The following CDK6 variants were observed in gnomAD, a reference collection of about 807,000 sequenced individuals.
CDK6 encodes cyclin-dependent kinase 6.
Under a neutral mutation model 37.1 loss-of-function variants are expected in CDK6, and 6 were observed. That is an observed-to-expected ratio of 0.16 (90% CI 0.09 to 0.32). The LOEUF (loss-of-function observed/expected upper bound fraction) is 0.32, where lower values mean the gene tolerates loss of function less well. CDK6 is among the 10% of genes least tolerant of loss of function. The pLI is 1.00. For missense variants in CDK6, 224 were observed against 418.9 expected (o/e 0.53, Z 4.06); for synonymous variants, 160 against 161.3 (o/e 0.99, Z 0.06).
Position 92,834,517 on chromosome 7 carries a change from C to T in CDK6, c.-367-827G>A, listed in dbSNP as rs1470495140. On this transcript the variant is annotated intron_variant, in intron 1 of 7. Coordinates refer to ENST00000424848, the MANE Select transcript of CDK6 (RefSeq NM_001145306.2). This position sits in a 1 kb window ranked among gnomAD's most constrained non-coding sequence, Gnocchi z 4.6. ...GGTCCTGGGGGAGGGGAGACACCGT[C>T]CCCCACGGGATCCCAAGGGTGGGAG... 6.6e-6 allele frequency among the ~76,000 whole-genome samples: 1 copy of T among 151,868 alleles called. No individual in the cohort carries two copies. Among genetic ancestry groups the T allele is most frequent in the Non-Finnish European group, 1.5e-5 (1 of 67,942 alleles).
At chr7:92,677,253 C>T (rs1371767903) in intron 4 of CDK6, among the ~76,000 whole-genome samples, 1 of 152,138 alleles carries the variant, frequency 6.6e-6, no homozygotes. Context: ...ATAAATTGTT[C>T]AAGACTTACA....
At chr7:92,721,713 C>T (rs966175381) in intron 4 of CDK6, among the ~76,000 whole-genome samples, 6 of 152,108 alleles carry the variant, frequency 3.9e-5, no homozygotes, top group African/African-American at 9.7e-5. Context: ...TCATTCAGCC[C>T]GATGTTGCAT....
At position 92,613,849 on chromosome 7, in the gene CDK6, A is replaced by G. The variant is rs1373139718; in HGVS notation, c.*1291T>C. ...AGGTAGAAGGACTGCATTAGAGAAC[A>G]TATGTGACCCTGTTAGGTTTGCAGA... is the stretch of plus-strand genomic sequence containing the variant. On this transcript the variant is annotated 3_prime_UTR_variant, in exon 8 of 8. Transcript: ENST00000424848. The G allele has an allele frequency of 2.1e-5, 5 of 233,148 alleles. No individual in the cohort carries two copies. In the East Asian group the frequency reaches 3.0e-4, roughly 14 times the overall value. 14.4% of individuals were successfully genotyped at this position (233,148 alleles called of 1,614,324 possible).
rs540429893 is a variant in CDK6 at position 92,823,225 on chromosome 7, T to C, written c.233+9866A>G. Among the ~76,000 whole-genome samples, 5 of 152,042 alleles carry C rather than the reference T, an allele frequency of 3.3e-5. No individual in the cohort carries two copies. The South Asian group carries it at 1.0e-3, about 32-fold the overall frequency. On this transcript the variant is annotated intron_variant, in intron 2 of 7. Transcript: ENST00000424848. ...GTCAGTCACATTCATACAGCTCTCC[T>C]TGAAATCAGTTCCATCACTTTGAGT...
intron 4 of CDK6, among the ~76,000 whole-genome samples, chr7:92,687,723 C>T (rs1797495033): frequency 6.6e-6 from 1 of 152,284 alleles, no homozygotes; most frequent in South Asian, 2.1e-4. Flanking sequence ...TATCTTTACA[C>T]ATGTACACAC....
intron 4 of CDK6, among the ~76,000 whole-genome samples, chr7:92,673,926 C>T (rs369422656): frequency 5.3e-5 from 8 of 151,854 alleles, no homozygotes; most frequent in South Asian, 2.1e-4. Flanking sequence ...TACAGGCGCA[C>T]GCCACCACAC....
chr7:92,665,141 C>T (rs1416683453), intron 5 of CDK6, among the ~76,000 whole-genome samples: 1 of 152,034 alleles, frequency 6.6e-6, no homozygotes, highest in African/African-American at 2.4e-5. Flanking sequence ...CCTGGAAAAC[C>T]CCATAACTTT....
chr7:92,670,883 G>A (rs1285413362), intron 5 of CDK6, among the ~76,000 whole-genome samples: 1 of 152,064 alleles, frequency 6.6e-6, no homozygotes, highest in East Asian at 1.9e-4. Flanking sequence ...TGTATCCTTG[G>A]TCTTGTTTCT....
intron 2 of CDK6, among the ~76,000 whole-genome samples, chr7:92,801,008 T>A (rs985696840): frequency 2.0e-5 from 3 of 152,206 alleles, no homozygotes; most frequent in Admixed American, 6.5e-5. Context: ...AAATGATGGA[T>A]TAAAAATCAT....
At chr7:92,822,243 G>A (rs1276128792) in intron 2 of CDK6, among the ~76,000 whole-genome samples, 4 of 151,928 alleles carry the variant, frequency 2.6e-5, no homozygotes, top group South Asian at 2.1e-4. Context: ...AATTATGTTC[G>A]TAATTTAATG....
chr7:92,772,385 C>T (rs1169363934), intron 3 of CDK6, among the ~76,000 whole-genome samples: 1 of 151,938 alleles, frequency 6.6e-6, no homozygotes, highest in East Asian at 1.9e-4. Flanking sequence ...TAACTAGAGC[C>T]CCTTGCCCCC....
At chr7:92,730,129 G>A (rs959195533) in intron 3 of CDK6, among the ~76,000 whole-genome samples, 10 of 152,184 alleles carry the variant, frequency 6.6e-5, no homozygotes, top group African/African-American at 1.2e-4. Context: ...GTCACAGAAT[G>A]ACAACTTTAA....
rs115457647 is a variant in CDK6, at chr7:92,626,893, A to C, written c.648-3807T>G. ...TTAAATATTTTCCTTGTATAATAAA[A>C]TTATATAAAACATTTCACTGAAATT... On this transcript the variant is annotated intron_variant, in intron 5 of 7. Coordinates refer to ENST00000424848, the MANE Select transcript of CDK6 (RefSeq NM_001145306.2). Among the ~76,000 whole-genome samples the C allele has an allele frequency of 6.0e-3, 910 of 152,244 alleles. 8 individuals are homozygous for C. The highest frequency in any genetic ancestry group is 0.021 in the African/African-American group (870 of 41,560).
At chr7:92,798,869 T>C (rs920502884) in intron 2 of CDK6, among the ~76,000 whole-genome samples, 3 of 152,170 alleles carry the variant, frequency 2.0e-5, no homozygotes, top group East Asian at 1.9e-4. Context: ...TCAAAGCTAT[T>C]GTCTTCTTCT....
intron 2 of CDK6, among the ~76,000 whole-genome samples, chr7:92,777,969 T>C (rs1444456531): frequency 6.6e-6 from 1 of 152,148 alleles, no homozygotes; most frequent in Non-Finnish European, 1.5e-5. Flanking sequence ...GTTGTATTCC[T>C]AGGACCTCTG....
intron 3 of CDK6, among the ~76,000 whole-genome samples, chr7:92,728,766 T>G (rs539962301): frequency 7.9e-5 from 12 of 152,370 alleles, no homozygotes; most frequent in African/African-American, 2.9e-4. Context: ...TACTTAAATT[T>G]TTTTTTTGTT....
Position 92,689,841 on chromosome 7 carries a change from A to C in CDK6, c.538-18306T>G, listed in dbSNP as rs372745678. Among the ~76,000 whole-genome samples, 24 of 152,228 alleles carry C rather than the reference A, an allele frequency of 1.6e-4. No homozygotes were observed. In the East Asian group the frequency reaches 3.7e-3, roughly 23 times the overall value. On this transcript the variant is annotated intron_variant, in intron 4 of 7. Coordinates refer to ENST00000424848, the MANE Select transcript of CDK6 (RefSeq NM_001145306.2). The stretch of plus-strand genomic sequence containing the variant: ...AATAGCAATCTGATGGTGTGAGATA[A>C]TATCTCTTGTGGTTTTGATTTGCAT...
chr7:92,699,885 T>C lies in CDK6; in HGVS notation c.537+25741A>G, dbSNP rs3731317. ...AGCTACATCACCTTGGCTAAATAGCTTAACCTCTCCATGCCTCTGTTTCCT... is the reference window on the plus strand; with the variant it reads ...AGCTACATCACCTTGGCTAAATAGCCTAACCTCTCCATGCCTCTGTTTCCT... On this transcript the variant is annotated intron_variant, in intron 4 of 7. Coordinates refer to ENST00000424848, the MANE Select transcript of CDK6 (RefSeq NM_001145306.2). 4.6e-3 allele frequency among the ~76,000 whole-genome samples: 701 copies of C among 152,326 alleles called. 5 individuals carry two copies. The highest frequency in any genetic ancestry group is 0.015 in the South Asian group (74 of 4,824).
In CDK6 at chr7:92,608,512, A is replaced by T. The variant is rs1795483350; in HGVS notation, c.*6628T>A. On this transcript the variant is annotated 3_prime_UTR_variant, in exon 8 of 8. Transcript: ENST00000424848. Reference sequence around the variant, plus strand: ...ATAGAATGATGGAAAATAAAAAAATAAAAAAAAATTCCTGCAATTATACAT... The same window carrying T: ...ATAGAATGATGGAAAATAAAAAAATTAAAAAAAATTCCTGCAATTATACAT... 1 of 226,324 alleles carries T rather than the reference A, an allele frequency of 4.4e-6. No homozygotes were observed. The highest frequency in any genetic ancestry group is 1.8e-4 in the South Asian group (1 of 5,460). 14.0% of individuals were successfully genotyped at this position (226,324 alleles called of 1,614,324 possible). A position where few individuals can be genotyped will look rare whatever the true frequency, so the allele number is the denominator to read the frequency against.
Sources: allele counts gnomAD v4.1 joint callset (sites outside exome capture counted in the v4.1 genomes callset), GRCh38; gene constraint gnomAD v4.1.1; non-coding constraint Gnocchi (gnomAD v3.1); transcripts MANE v1.5; gene names NCBI Gene and HGNC (gene_info 2026-07-23, HGNC 2026-07-21).